Variants in OTUD7A observed in about 807,000 individuals in gnomAD.
OTUD7A encodes OTU domain-containing protein 7A.
In OTUD7A, 12 loss-of-function variants were observed where a neutral mutation model predicts 65.7. That is an observed-to-expected ratio of 0.18 (90% confidence interval 0.12 to 0.30). The LOEUF (loss-of-function observed/expected upper bound fraction) is 0.30. OTUD7A is among the 10% of genes least tolerant of loss of function. The pLI, the probability that OTUD7A is intolerant of heterozygous loss-of-function variation, is 1.00. For missense variants in OTUD7A, 1,148 were observed against 1,304.8 expected, an observed-to-expected ratio of 0.88 and a Z score of 1.85; for synonymous variants, 641 against 586.3, an observed-to-expected ratio of 1.09 and a Z score of -1.35.
chr15:31,508,800 G>A (rs1249611953), intron 8 of OTUD7A, among the ~76,000 whole-genome samples: 1 of 152,264 alleles, frequency 6.6e-6, no homozygotes, highest in Admixed American at 6.5e-5. Flanking sequence ...GAGGCCCCAT[G>A]GTGACGTCTT....
intron 5 of OTUD7A, among the ~76,000 whole-genome samples, chr15:31,533,164 TG>T (rs1256228423): frequency 1.3e-5 from 2 of 151,408 alleles, no homozygotes; most frequent in Admixed American, 6.6e-5. Flanking sequence ...CTTACTTATA[TG>T]GGAAAAACAA....
intron 3 of OTUD7A, among the ~76,000 whole-genome samples, chr15:31,618,238 T>C (rs889641929): frequency 6.6e-6 from 1 of 152,228 alleles, no homozygotes; most frequent in Non-Finnish European, 1.5e-5. Context: ...TCAATAAACA[T>C]ACATGTGCAT....
At chr15:31,611,945 A>C (rs1445590200) in intron 3 of OTUD7A, among the ~76,000 whole-genome samples, 1 of 152,250 alleles carries the variant, frequency 6.6e-6, no homozygotes, top group Admixed American at 6.5e-5. Flanking sequence ...CAAAAAGATA[A>C]TCCACCATGA....
chr15:31,751,311 A>G (rs2141384531), intron 1 of OTUD7A, among the ~76,000 whole-genome samples: 1 of 152,346 alleles, frequency 6.6e-6, no homozygotes, highest in South Asian at 2.1e-4. Context: ...AAACATATGA[A>G]AAACTGCTCA....
intron 1 of OTUD7A, among the ~76,000 whole-genome samples, chr15:31,805,229 G>C (rs939653146): frequency 1.3e-5 from 2 of 152,274 alleles, no homozygotes; most frequent in Non-Finnish European, 2.9e-5. Flanking sequence ...AGTGCTGAGG[G>C]AGGAGTAGTG....
chr15:31,606,407 T>A (rs912332018), intron 3 of OTUD7A, among the ~76,000 whole-genome samples: 2 of 152,134 alleles, frequency 1.3e-5, no homozygotes, highest in Non-Finnish European at 2.9e-5. Context: ...AACATGGGAG[T>A]CACTTCTTAG....
intron 3 of OTUD7A, among the ~76,000 whole-genome samples, chr15:31,608,759 A>C (rs868047900): frequency 2.0e-4 from 31 of 152,370 alleles, no homozygotes; most frequent in African/African-American, 7.5e-4. Flanking sequence ...AGGCAGGACT[A>C]GACTGTAGCT....
At chr15:31,728,656 C>A (rs1893960075) in intron 1 of OTUD7A, among the ~76,000 whole-genome samples, 1 of 152,242 alleles carries the variant, frequency 6.6e-6, no homozygotes, top group Non-Finnish European at 1.5e-5. Flanking sequence ...CACACATATC[C>A]TTTAGGTCTC....
chr15:31,860,679 A>ATATATATATATATATATATGTATGTATG (rs1897709689), intron 1 of OTUD7A, among the ~76,000 whole-genome samples: 1 of 40,880 alleles, frequency 2.4e-5, no homozygotes, highest in Non-Finnish European at 6.3e-5. Context: ...GTATGTGTGT[A>ATATATATATATATATATATGTATGTATG]TATATATATA....
chr15:31,777,252 C>T (rs529984181), intron 1 of OTUD7A, among the ~76,000 whole-genome samples: 1 of 152,158 alleles, frequency 6.6e-6, no homozygotes, highest in Non-Finnish European at 1.5e-5. Context: ...TACAAGGGCG[C>T]TAATCTCATT....
intron 3 of OTUD7A, among the ~76,000 whole-genome samples, chr15:31,608,953 C>T (rs913185926): frequency 2.0e-5 from 3 of 152,236 alleles, no homozygotes; most frequent in Non-Finnish European, 4.4e-5. Context: ...GGGAAATCCT[C>T]TGCCCCCAAA....
intron 1 of OTUD7A, among the ~76,000 whole-genome samples, chr15:31,824,367 T>C (rs954749064): frequency 6.6e-6 from 1 of 152,136 alleles, no homozygotes; most frequent in African/African-American, 2.4e-5. Flanking sequence ...GAATGCCAGC[T>C]CACCAGGTAT....
Position 31,715,588 on chromosome 15 carries a change from T to C in OTUD7A, c.-99-58511A>G, listed in dbSNP as rs1414133968. On this transcript the variant is annotated intron_variant, in intron 1 of 12. Transcript: ENST00000307050. ...ACTACATACATCATCTGTCCATTCA[T>C]TGATCCATCCAGCCAGTCATATATG... Among the ~76,000 whole-genome samples the C allele has an allele frequency of 6.1e-5, 9 of 147,632 alleles. No homozygotes were observed. In the East Asian group the frequency reaches 1.8e-3, roughly 29 times the overall value.
intron 1 of OTUD7A, among the ~76,000 whole-genome samples, chr15:31,765,237 T>C (rs1300712400): frequency 6.6e-6 from 1 of 152,026 alleles, no homozygotes; most frequent in African/African-American, 2.4e-5. Flanking sequence ...CACATACATA[T>C]ATATATAAAT....
At chr15:31,537,621 A>T (rs553725483) in intron 5 of OTUD7A, among the ~76,000 whole-genome samples, 1 of 152,358 alleles carries the variant, frequency 6.6e-6, no homozygotes, top group South Asian at 2.1e-4. Flanking sequence ...ACTTTTAAAA[A>T]GTGTTTATAA....
At chr15:31,778,725 G>C (rs1053259456) in intron 1 of OTUD7A, among the ~76,000 whole-genome samples, 1 of 151,684 alleles carries the variant, frequency 6.6e-6, no homozygotes, top group African/African-American at 2.4e-5. Flanking sequence ...AACAAGATGT[G>C]TGTGTCTCTC....
At chr15:31,649,740 C>T (rs1221503584) in intron 3 of OTUD7A, 4 of 442,688 alleles carry the variant, frequency 9.0e-6, no homozygotes, top group South Asian at 6.3e-5. Flanking sequence ...ACCACTGCCA[C>T]CCTCTGTCCC....
chr15:31,616,807 G>A (rs574060571), intron 3 of OTUD7A, among the ~76,000 whole-genome samples: 1 of 152,168 alleles, frequency 6.6e-6, no homozygotes, highest in Non-Finnish European at 1.5e-5. Context: ...GCCTCCCAAA[G>A]TGCTGGGATT....
chr15:31,778,676 G>A (rs1895453941), intron 1 of OTUD7A, among the ~76,000 whole-genome samples: 1 of 152,136 alleles, frequency 6.6e-6, no homozygotes, highest in South Asian at 2.1e-4. Flanking sequence ...TTAGCCAAGG[G>A]ACATTAGGAA....
Sources: gnomAD v4.1 joint callset for allele counts (sites outside exome capture counted in the v4.1 genomes callset) on GRCh38, gnomAD v4.1.1 for gene constraint, MANE v1.5 for transcripts, NCBI Gene and HGNC (gene_info 2026-07-23, HGNC 2026-07-21) for gene names.